The following NIBAN1 variants were observed in gnomAD, a reference collection of about 807,000 sequenced individuals.
NIBAN1 encodes niban apoptosis regulator 1.
Under a neutral mutation model 75.1 loss-of-function variants are expected in NIBAN1, and 81 were observed. The observed-to-expected ratio is 1.08, with a 90% CI of 0.90 to 1.30. NIBAN1 has a LOEUF of 1.30. Ranked by LOEUF, NIBAN1 falls within the 50% of genes most tolerant of loss-of-function variation. The pLI is 0.00. For synonymous variants in NIBAN1, 436 were observed against 424.8 expected (o/e 1.03, Z -0.32); for missense variants, 1,133 against 1,128.1 (o/e 1.00, Z -0.06).
intron 13 of NIBAN1, among the ~76,000 whole-genome samples, chr1:184,796,966 G>T (rs1476866816): frequency 6.6e-6 from 1 of 152,128 alleles, no homozygotes; most frequent in Non-Finnish European, 1.5e-5. Flanking sequence ...TAGACACTGT[G>T]CTGACATCTT....
chr1:184,905,964 A>G (rs762302820), intron 1 of NIBAN1, among the ~76,000 whole-genome samples: 12 of 152,054 alleles, frequency 7.9e-5, no homozygotes, highest in Admixed American at 1.3e-4. Context: ...TTGGCCAGGC[A>G]TGGTGGCTCA....
At chr1:184,918,914 T>C (rs1164028134) in intron 1 of NIBAN1, among the ~76,000 whole-genome samples, 2 of 151,954 alleles carry the variant, frequency 1.3e-5, no homozygotes, top group African/African-American at 4.8e-5. Context: ...CCTCCCAACA[T>C]CCTCCACCAT....
chr1:184,938,163 T>A lies in NIBAN1; in HGVS notation c.55+36139A>T, dbSNP rs1344823313. On this transcript the variant is annotated intron_variant, in intron 1 of 13. Coordinates refer to ENST00000367511, the MANE Select transcript of NIBAN1 (RefSeq NM_052966.4). ...GAGATTTGCACAGATATGTCAAGAA[T>A]GATTTGGGGAATGCACACACAAAAT... Among the ~76,000 whole-genome samples the A allele has an allele frequency of 3.3e-5, 5 of 152,152 alleles. No homozygotes were observed. The South Asian group carries it at 6.2e-4, about 19-fold the overall frequency.
chr1:184,877,420 C>T (rs187438502), intron 5 of NIBAN1, among the ~76,000 whole-genome samples: 3 of 152,036 alleles, frequency 2.0e-5, no homozygotes, highest in East Asian at 1.9e-4. Flanking sequence ...GTAACGATAA[C>T]GTTCTTTATA....
intron 11 of NIBAN1, among the ~76,000 whole-genome samples, chr1:184,804,519 G>T (rs770218168): frequency 1.3e-5 from 2 of 152,214 alleles, no homozygotes; most frequent in Non-Finnish European, 2.9e-5. Context: ...GAGGTAGAAA[G>T]TATCCTGCCA....
Position 184,924,242 on chromosome 1 carries a change from C to T in NIBAN1, c.56-24933G>A, listed in dbSNP as rs193203033. 2.0e-5 allele frequency among the ~76,000 whole-genome samples: 3 copies of T among 152,042 alleles called. No individual in the cohort carries two copies. The East Asian group carries it at 5.8e-4, about 29-fold the overall frequency. On this transcript the variant is annotated intron_variant, in intron 1 of 13. Coordinates refer to ENST00000367511, the MANE Select transcript of NIBAN1 (RefSeq NM_052966.4). The stretch of plus-strand genomic sequence containing the variant: ...CTCTTTTATACCCAGTTTTTGAGGG[C>T]TTTTGTCACAAAGGGATGTCGAATT...
At position 184,921,815 on chromosome 1, in the gene NIBAN1, T is replaced by TA. The variant is rs556537926; in HGVS notation, c.56-22507dup. On this transcript the variant is annotated intron_variant, in intron 1 of 13. Transcript: ENST00000367511. ...ATTTTCAGGAACATTCAAATGGTTC[T>TA]AATAAGGCAATTTAGCTAAACTATG... Among the ~76,000 whole-genome samples, 152 of 152,360 alleles carry TA rather than the reference T, an allele frequency of 1.0e-3. 1 individual carries two copies. The highest frequency in any genetic ancestry group is 3.4e-3 in the Middle Eastern group (1 of 294).
intron 5 of NIBAN1, among the ~76,000 whole-genome samples, chr1:184,879,494 T>C (rs1656321125): frequency 1.3e-5 from 2 of 152,106 alleles, no homozygotes; most frequent in Admixed American, 6.5e-5. Flanking sequence ...ATGCATAGTC[T>C]CTCAAGTAAT....
At chr1:184,897,023 A>G (rs1455906302) in intron 2 of NIBAN1, among the ~76,000 whole-genome samples, 1 of 152,076 alleles carries the variant, frequency 6.6e-6, no homozygotes, top group African/African-American at 2.4e-5. Context: ...TTGGCTATTC[A>G]GGCTTTTATT....
chr1:184,960,465 T>C (rs2102077591), intron 1 of NIBAN1, among the ~76,000 whole-genome samples: 1 of 152,366 alleles, frequency 6.6e-6, no homozygotes, highest in African/African-American at 2.4e-5. Context: ...ATTCATGCAT[T>C]AAGCAAATAT....
chr1:184,874,596 G>GC (rs948353984), intron 5 of NIBAN1, among the ~76,000 whole-genome samples: 5 of 151,784 alleles, frequency 3.3e-5, no homozygotes, highest in Admixed American at 6.6e-5. Context: ...ATATGTGTGT[G>GC]CTTATATATA....
chr1:184,873,987 T>A (rs1656173463), intron 5 of NIBAN1, among the ~76,000 whole-genome samples: 1 of 152,068 alleles, frequency 6.6e-6, no homozygotes, highest in Non-Finnish European at 1.5e-5. Flanking sequence ...AAAGTTTAAG[T>A]CCACAACAAC....
chr1:184,829,028 G>A (rs958745664), intron 6 of NIBAN1, among the ~76,000 whole-genome samples: 12 of 152,014 alleles, frequency 7.9e-5, no homozygotes, highest in Middle Eastern at 3.2e-3. Flanking sequence ...TCGAACTCCC[G>A]GATTCAAGCA....
intron 5 of NIBAN1, among the ~76,000 whole-genome samples, chr1:184,863,445 GT>G (rs1196145444): frequency 2.0e-5 from 3 of 151,776 alleles, no homozygotes; most frequent in East Asian, 1.9e-4. Context: ...GTTCAAATTA[GT>G]TTTTTTTGTT....
intron 5 of NIBAN1, among the ~76,000 whole-genome samples, chr1:184,862,824 T>C (rs1179884394): frequency 8.5e-6 from 1 of 117,826 alleles, no homozygotes; most frequent in African/African-American, 3.8e-5. Flanking sequence ...TATCCCACAG[T>C]TTTTCTTTTC....
intron 6 of NIBAN1, among the ~76,000 whole-genome samples, chr1:184,828,611 C>CT (rs1355485710): frequency 1.3e-5 from 2 of 152,144 alleles, no homozygotes; most frequent in Admixed American, 6.5e-5. Context: ...AGGCCATTTC[C>CT]TTTTACCAGC....
At chr1:184,836,296 A>C (rs772108127) in intron 5 of NIBAN1, among the ~76,000 whole-genome samples, 15 of 152,190 alleles carry the variant, frequency 9.9e-5, no homozygotes, top group Non-Finnish European at 1.9e-4. Flanking sequence ...TTTTCAACCT[A>C]AGAAAACAAA....
chr1:184,905,655 G>A (rs1341975289), intron 1 of NIBAN1, among the ~76,000 whole-genome samples: 1 of 152,000 alleles, frequency 6.6e-6, no homozygotes, highest in East Asian at 1.9e-4. Context: ...GTCCCAACCC[G>A]AGTAGAAACC....
In NIBAN1 at chr1:184,795,564, T is replaced by A; in HGVS notation, c.2200A>T (p.Thr734Ser). The A allele has an allele frequency of 6.2e-7, 1 of 1,614,202 alleles. No individual in the cohort carries two copies. The highest frequency in any genetic ancestry group is 8.5e-7 in the Non-Finnish European group (1 of 1,180,048). ...VDSAPVMEED[T>S]NGESHVPQEN... is the part of the protein sequence containing the mutation. ...TGGGGAACGTGGCTCTCCCCATTCG[T>A]ATCTTCTTCCATCACTGGAGCAGAG... Residue 734 changes from threonine to serine, a missense_variant, in exon 14 of 14, where the codon ACG (threonine) becomes TCG (serine). By Grantham distance (58) the Thr-to-Ser change is moderately conservative (BLOSUM62 1). Transcript: ENST00000367511.
Sources: allele counts gnomAD v4.1 joint callset (sites outside exome capture counted in the v4.1 genomes callset), GRCh38; gene constraint gnomAD v4.1.1; transcripts MANE v1.5; gene names NCBI Gene and HGNC (gene_info 2026-07-23, HGNC 2026-07-21).